Variants in PPP1R12B observed in about 807,000 individuals in gnomAD.
PPP1R12B encodes protein phosphatase 1 regulatory subunit 12B.
PPP1R12B carries 76 observed loss-of-function variants against 126.1 expected under a neutral mutation model. That is an observed-to-expected ratio of 0.60 (90% confidence interval 0.50 to 0.73). The LOEUF (loss-of-function observed/expected upper bound fraction) is 0.73. PPP1R12B is among the 30% of genes least tolerant of loss of function. The pLI is 0.00. For missense variants in PPP1R12B, 1,052 were observed against 1,205.1 expected, an observed-to-expected ratio of 0.87 and a Z score of 1.88; for synonymous variants, 356 against 434.7, an observed-to-expected ratio of 0.82 and a Z score of 2.25.
At chr1:202,481,526 G>C (rs1465016162) in intron 13 of PPP1R12B, among the ~76,000 whole-genome samples, 1 of 140,096 alleles carries the variant, frequency 7.1e-6, no homozygotes, top group Non-Finnish European at 1.6e-5. Context: ...TGTTTTGGAA[G>C]ATATAGTTTT....
chr1:202,430,564 T>A (rs1199186356), intron 6 of PPP1R12B, among the ~76,000 whole-genome samples, 167 bp from the exon 7 acceptor site: 1 of 152,222 alleles, frequency 6.6e-6, no homozygotes, highest in Non-Finnish European at 1.5e-5. Flanking sequence ...TTCTGTCATC[T>A]AAGGAGACCC....
At chr1:202,451,596 C>T (rs1041248244) in intron 13 of PPP1R12B, among the ~76,000 whole-genome samples, 9 of 151,968 alleles carry the variant, frequency 5.9e-5, no homozygotes, top group East Asian at 5.8e-4. Context: ...GGCAACCATC[C>T]GATTTCTCAA....
At chr1:202,475,452 T>C (rs1034166982) in intron 13 of PPP1R12B, among the ~76,000 whole-genome samples, 4 of 152,230 alleles carry the variant, frequency 2.6e-5, no homozygotes, top group Non-Finnish European at 5.9e-5. Context: ...GACATTGTTA[T>C]CCATTAGTTC....
intron 12 of PPP1R12B, among the ~76,000 whole-genome samples, chr1:202,447,781 A>C (rs1558240215): frequency 6.6e-6 from 1 of 152,180 alleles, no homozygotes; most frequent in East Asian, 1.9e-4. Context: ...GTTAAGTGTA[A>C]TTTTTTATAG....
chr1:202,472,220 G>T, intron 13 of PPP1R12B: 1 of 469,196 alleles, frequency 2.1e-6, no homozygotes, highest in Non-Finnish European at 3.7e-6. Flanking sequence ...TTTTTAGTTT[G>T]TCTTTTAATG....
At chr1:202,493,566 G>A (rs952666101) in intron 15 of PPP1R12B, among the ~76,000 whole-genome samples, 1 of 152,128 alleles carries the variant, frequency 6.6e-6, no homozygotes, top group Admixed American at 6.6e-5. Context: ...AAAAGGAGAG[G>A]TCATAGTATA....
At position 202,348,742 on chromosome 1, in the gene PPP1R12B, C is replaced by T. The variant is rs1474318622; in HGVS notation, c.-110C>T. The T allele has an allele frequency of 3.6e-6, 5 of 1,374,742 alleles. No individual in the cohort carries two copies. Among genetic ancestry groups the T allele is most frequent in the Non-Finnish European group, 3.9e-6 (4 of 1,032,622 alleles). The allele number at this position is 1,374,742 out of a possible 1,614,324, so 85.2% of individuals were successfully genotyped here. ...AGTAAAGATGGCGGCGCGAGGGTCT[C>T]CGCCCTCTGCTCCGGGCTGAAGCGC... On this transcript the variant is annotated 5_prime_UTR_variant, in exon 1 of 24. Coordinates refer to ENST00000608999, the MANE Select transcript of PPP1R12B (RefSeq NM_002481.4).
At chr1:202,470,238 C>T (rs931961955) in intron 13 of PPP1R12B, among the ~76,000 whole-genome samples, 1 of 152,202 alleles carries the variant, frequency 6.6e-6, no homozygotes, top group African/African-American at 2.4e-5. Context: ...CTCTCTGCCC[C>T]CTATGGCGGA....
chr1:202,555,351 A>AAAAAAAAAAAAT (rs1686799079), intron 18 of PPP1R12B, among the ~76,000 whole-genome samples: 1 of 144,484 alleles, frequency 6.9e-6, no homozygotes, highest in Non-Finnish European at 1.5e-5. Context: ...AAAAAAAAAA[A>AAAAAAAAAAAAT]AAGCTTGTTT....
At chr1:202,476,170 A>G (rs910095739) in intron 13 of PPP1R12B, among the ~76,000 whole-genome samples, 9 of 147,982 alleles carry the variant, frequency 6.1e-5, no homozygotes, top group Non-Finnish European at 1.2e-4. Flanking sequence ...GTGCCACTGC[A>G]CTCCAGCTTG....
rs922570804 is a variant in PPP1R12B, at chr1:202,419,506, C to CT, written c.422+2599dup. Among the ~76,000 whole-genome samples the CT allele has an allele frequency of 2.6e-5, 4 of 151,300 alleles. No homozygotes were observed. The highest frequency in any genetic ancestry group is 1.9e-4 in the East Asian group (1 of 5,170). On this transcript the variant is annotated intron_variant, in intron 2 of 23. Coordinates refer to ENST00000608999, the MANE Select transcript of PPP1R12B (RefSeq NM_002481.4). This position sits in a 1 kb window ranked among gnomAD's most constrained non-coding sequence, Gnocchi z 4.6. ...AAAGTAAAACTAAAGAGGTTTTTAA[C>CT]TTTTTTTTTTCCTAGAACTGGAGAA...
intron 12 of PPP1R12B, chr1:202,448,206 A>G (rs1277230601): frequency 1.3e-5 from 2 of 152,234 alleles, no homozygotes; most frequent in African/African-American, 2.4e-5. Flanking sequence ...AACAGCTGTG[A>G]CATCACAAAT....
At chr1:202,549,779 T>A (rs958087184) in intron 18 of PPP1R12B, among the ~76,000 whole-genome samples, 1 of 152,116 alleles carries the variant, frequency 6.6e-6, no homozygotes, top group Non-Finnish European at 1.5e-5. Flanking sequence ...AGAGAAGAGC[T>A]CTTTGAGATC....
intron 1 of PPP1R12B, among the ~76,000 whole-genome samples, chr1:202,393,371 C>CA (rs1351559819): frequency 6.7e-6 from 1 of 150,036 alleles, no homozygotes; most frequent in Non-Finnish European, 1.5e-5. Context: ...TGTTAATTAG[C>CA]AAAACGCAAA....
At position 202,493,253 on chromosome 1, in the gene PPP1R12B, C is replaced by T. The variant is rs766117310; in HGVS notation, c.2081C>T (p.Ser694Leu). The stretch of plus-strand genomic sequence containing the variant: ...GGGAGCCCTGAGAAGCATGAGCCCT[C>T]AGCAGTTCCAGCAACAGAAGCTGGG... Reference protein sequence around the residue: ...LEGSPEKHEPSAVPATEAGEG... With the variant: ...LEGSPEKHEPLAVPATEAGEG... Residue 694 changes from serine to leucine, a missense_variant, in exon 15 of 24, where the codon TCA becomes TTA. Transcript: ENST00000608999. 1.2e-6 allele frequency: 2 copies of T among 1,612,942 alleles called. No homozygotes were observed. Among genetic ancestry groups the T allele is most frequent in the South Asian group, 2.2e-5 (2 of 91,024 alleles).
At chr1:202,514,641 T>C (rs1163390852) in intron 18 of PPP1R12B, among the ~76,000 whole-genome samples, 1 of 152,210 alleles carries the variant, frequency 6.6e-6, no homozygotes, top group East Asian at 1.9e-4. Flanking sequence ...GTCTTTTGCA[T>C]ATGGCTAGCC....
intron 9 of PPP1R12B, 51 bp downstream of exon 9, chr1:202,434,819 G>A (rs1185030409): frequency 6.2e-7 from 1 of 1,602,736 alleles, no homozygotes; most frequent in Non-Finnish European, 8.5e-7. Context: ...TACTGCAGTA[G>A]CACACATCTA....
chr1:202,550,375 G>A (rs1178524619), intron 18 of PPP1R12B, among the ~76,000 whole-genome samples: 1 of 152,152 alleles, frequency 6.6e-6, no homozygotes, highest in Non-Finnish European at 1.5e-5. Flanking sequence ...AGGTATAATG[G>A]TGGTCAGTAA....
intron 18 of PPP1R12B, among the ~76,000 whole-genome samples, chr1:202,537,285 C>T (rs527560018): frequency 1.4e-4 from 21 of 151,452 alleles, no homozygotes; most frequent in African/African-American, 1.9e-4. Context: ...ACCCGGGAGG[C>T]GGAGCTTGCA....
Sources: gnomAD v4.1 joint callset for allele counts (sites outside exome capture counted in the v4.1 genomes callset) on GRCh38, gnomAD v4.1.1 for gene constraint, Gnocchi (gnomAD v3.1) non-coding constraint, MANE v1.5 for transcripts, NCBI Gene and HGNC (gene_info 2026-07-23, HGNC 2026-07-21) for gene names.